Variants in ZNF563 observed in about 807,000 individuals in gnomAD.
The protein encoded by ZNF563 is zinc finger protein 563.
Under a neutral mutation model 48.5 loss-of-function variants are expected in ZNF563, and 39 were observed. The observed-to-expected ratio is 0.80, with a 90% CI of 0.62 to 1.05. The LOEUF is 1.05. ZNF563 is among the 50% of genes least tolerant of loss of function. ZNF563 has a pLI of 0.00. For missense variants in ZNF563, 538 were observed against 597.0 expected (o/e 0.90, Z 1.03); for synonymous variants, 168 against 187.9 (o/e 0.89, Z 0.87).
the ZNF563 span, among the ~76,000 whole-genome samples, chr19:12,339,273 C>CTTTTTTTTTTTTT: frequency 1.2e-5 from 1 of 86,430 alleles, no homozygotes; most frequent in Non-Finnish European, 2.3e-5. Flanking sequence ...CAGTTGATTT[C>CTTTTTTTTTTTTT]TTTTTTTTTT....
chr19:12,344,131 G>A, the ZNF563 span, among the ~76,000 whole-genome samples: 1 of 151,970 alleles, frequency 6.6e-6, no homozygotes, highest in African/African-American at 2.4e-5. Flanking sequence ...AGTGGCTCAT[G>A]CCTGTAATCC....
the ZNF563 span, among the ~76,000 whole-genome samples, chr19:12,345,504 G>T: frequency 1.3e-5 from 2 of 152,174 alleles, no homozygotes; most frequent in East Asian, 1.9e-4. Flanking sequence ...TCAAAAAATG[G>T]TGTTGGGAAA....
intron 1 of ZNF563, among the ~76,000 whole-genome samples, chr19:12,332,938 G>A (rs1329260720): frequency 6.6e-6 from 1 of 152,162 alleles, no homozygotes; most frequent in East Asian, 1.9e-4. Flanking sequence ...CCCCTGTGAC[G>A]GAGAGGAAGT....
chr19:12,319,410 A>T lies in ZNF563; in HGVS notation c.615T>A (p.Ala205=), dbSNP rs777149397. Residue 205 remains alanine (A), a synonymous_variant, in exon 4 of 4, where the codon GCT becomes GCA. Transcript: ENST00000293725. ...TACGTAATAAACTGGGCCAAAAAAA[A>T]GCTTTCCCACACAACTTACATTTAT... The part of the protein sequence containing the change: ...RPYKCKLCGK[A]FFWPSLLRMH... 1 of 1,614,174 alleles carries T rather than the reference A, an allele frequency of 6.2e-7. No homozygotes were observed. Among genetic ancestry groups the T allele is most frequent in the East Asian group, 2.2e-5 (1 of 44,880 alleles).
At chr19:12,342,199 G>C in the ZNF563 span, among the ~76,000 whole-genome samples, 1 of 152,052 alleles carries the variant, frequency 6.6e-6, no homozygotes, top group South Asian at 2.1e-4. Flanking sequence ...TTCAAATTTT[G>C]TAGAGATGAG....
upstream of ZNF563, among the ~76,000 whole-genome samples, chr19:12,335,441 G>A (rs1368419711): frequency 6.6e-6 from 1 of 152,148 alleles, no homozygotes; most frequent in Non-Finnish European, 1.5e-5. Context: ...TGCAGGTCAG[G>A]GTGGCCCTGG....
At position 12,321,305 on chromosome 19, in the gene ZNF563, T is replaced by C. The variant is rs962641232; in HGVS notation, c.158A>G (p.Glu53Gly). 1.9e-6 allele frequency: 3 copies of C among 1,576,804 alleles called. No individual in the cohort carries two copies. The African/African-American group carries it at 4.1e-5, about 22-fold the overall frequency. ...IRMIWEEQNT[E>G]DQYKNPRRNL... ...TCTCCTAGGATTTTTGTACTGATCT[T>C]CAGTATTCTGTTCTTCCCATATCAT... The change falls in exon 3 of 4, where the codon GAA becomes GGA. Residue 53 changes from glutamate (E) to glycine (G), a missense_variant. Coordinates refer to ENST00000293725, the MANE Select transcript of ZNF563 (RefSeq NM_145276.3).
chr19:12,325,055 G>A (rs1257734629), intron 1 of ZNF563: 6 of 152,148 alleles, frequency 3.9e-5, no homozygotes, highest in African/African-American at 1.4e-4. Context: ...ATGATCAGAA[G>A]GTGTGAAATA....
At chr19:12,328,273 G>A (rs182402211) in intron 1 of ZNF563, among the ~76,000 whole-genome samples, 1 of 152,296 alleles carries the variant, frequency 6.6e-6, no homozygotes, top group Admixed American at 6.5e-5. Flanking sequence ...GATTGCTTGA[G>A]GCCAGACTGA....
In ZNF563 at chr19:12,319,062, A is replaced by C; in HGVS notation, c.963T>G (p.Leu321=). 1 of 1,614,142 alleles carries C rather than the reference A, an allele frequency of 6.2e-7. No homozygotes were observed. The highest frequency in any genetic ancestry group is 8.5e-7 in the Non-Finnish European group (1 of 1,180,014). Reference sequence around the variant, plus strand: ...TTTTCATGTGTATCTGAAAGCTTCCAAGATGATGAAATGTTTTCCCGCATT... The same window carrying C: ...TTTTCATGTGTATCTGAAAGCTTCCCAGATGATGAAATGTTTTCCCGCATT... The part of the protein sequence containing the change: ...CKQCGKTFHH[L]GSFQIHMKRH... Residue 321 remains leucine (L), a synonymous_variant, in exon 4 of 4, where the codon CTT becomes CTG. Transcript: ENST00000293725.
At chr19:12,334,026 G>A (rs1179757563), upstream of ZNF563, among the ~76,000 whole-genome samples, 1 of 152,172 alleles carries the variant, frequency 6.6e-6, no homozygotes, top group Non-Finnish European at 1.5e-5. Context: ...CCATTCCCCT[G>A]GCCTCAGAGC....
rs753448801 is a variant in ZNF563 at position 12,322,590 on chromosome 19, C to G, written c.125G>C (p.Cys42Ser). ...AGACATGGTATCATCCTTACTTATA[C>G]AGTCCAGGTTCCTGATGGTTTCTTG... ...VMQETIRNLD[C>S]IRMIWEEQNT... The change falls in exon 2 of 4, where the codon TGT becomes TCT. Residue 42 changes from cysteine to serine, a missense_variant. Coordinates refer to ENST00000293725, the MANE Select transcript of ZNF563 (RefSeq NM_145276.3). 6.3e-7 allele frequency: 1 copy of G among 1,597,786 alleles called. No homozygotes were observed. The highest frequency in any genetic ancestry group is 8.5e-7 in the Non-Finnish European group (1 of 1,171,352).
chr19:12,320,118 A>T (rs1017546124), intron 3 of ZNF563, among the ~76,000 whole-genome samples: 1 of 152,140 alleles, frequency 6.6e-6, no homozygotes, highest in Non-Finnish European at 1.5e-5. Context: ...GGGTTTTGCC[A>T]TGCTGGCCAG....
the ZNF563 span, among the ~76,000 whole-genome samples, chr19:12,343,069 C>T: frequency 6.6e-6 from 1 of 151,656 alleles, no homozygotes; most frequent in Non-Finnish European, 1.5e-5. Context: ...TGGTGGCAAG[C>T]ACCTGTAATC....
At position 12,318,656 on chromosome 19, in the gene ZNF563, C is replaced by T. The variant is rs779698613; in HGVS notation, c.1369G>A (p.Ala457Thr). 4 of 1,614,168 alleles carry T rather than the reference C, an allele frequency of 2.5e-6. No homozygotes were observed. The highest frequency in any genetic ancestry group is 3.4e-6 in the Non-Finnish European group (4 of 1,180,032). ...GPNKCKVCGK[A>T]FVYPSVCQRH... ...TGACATACACTGGGATAAACAAAGG[C>T]TTTCCCACATACCTTGCATTTATTC... is the stretch of plus-strand genomic sequence containing the variant. Residue 457 changes from alanine to threonine, a missense_variant, in exon 4 of 4, where the codon GCC becomes ACC. Coordinates refer to ENST00000293725, the MANE Select transcript of ZNF563 (RefSeq NM_145276.3).
At chr19:12,346,268 A>G in the ZNF563 span, 1 of 152,216 alleles carries the variant, frequency 6.6e-6, no homozygotes, top group Non-Finnish European at 1.5e-5. Flanking sequence ...AAATGACTCA[A>G]TTTTAATGAG....
At chr19:12,328,815 T>C (rs987320847) in intron 1 of ZNF563, among the ~76,000 whole-genome samples, 7 of 151,554 alleles carry the variant, frequency 4.6e-5, no homozygotes, top group African/African-American at 7.2e-5. Context: ...AGAAATTATA[T>C]AAAATATGTA....
intron 1 of ZNF563, chr19:12,324,814 C>T (rs1968743275): frequency 6.6e-6 from 1 of 151,456 alleles, no homozygotes; most frequent in Admixed American, 6.6e-5. Flanking sequence ...TATTCAGCAC[C>T]CCATACCATT....
Position 12,319,393 on chromosome 19 carries a change from A to C in ZNF563, c.632T>G (p.Leu211Ter), listed in dbSNP as rs1568472478. Reference protein sequence around the residue: ...LCGKAFFWPSLLRMHERTHTG... With the variant: ...LCGKAFFWPS ...GTGAGTTCTTTCATGCATACGTAAT[A>C]AACTGGGCCAAAAAAAAGCTTTCCC... The change falls in exon 4 of 4, where the codon TTA becomes TGA. Residue 211 changes from leucine (L) to a stop codon, truncating the protein, a stop_gained. Coordinates refer to ENST00000293725, the MANE Select transcript of ZNF563 (RefSeq NM_145276.3). LOFTEE classifies it high-confidence loss of function. 1.2e-6 allele frequency: 2 copies of C among 1,614,158 alleles called. No individual in the cohort carries two copies. Among genetic ancestry groups the C allele is most frequent in the South Asian group, 1.1e-5 (1 of 91,078 alleles).
Sources: allele counts gnomAD v4.1 joint callset (sites outside exome capture counted in the v4.1 genomes callset), GRCh38; gene constraint gnomAD v4.1.1; transcripts MANE v1.5; gene names NCBI Gene and HGNC (gene_info 2026-07-23, HGNC 2026-07-21).